COL6A5: variants seen among roughly 807,000 people sequenced by gnomAD.
COL6A5 encodes the protein collagen alpha-5(VI) chain.
COL6A5 carries 48 observed loss-of-function variants against 65.6 expected under a neutral mutation model. The ratio of observed to expected loss-of-function variants is 0.73; its 90% CI spans 0.58 to 0.93. COL6A5 has a LOEUF of 0.93. Ranked by LOEUF, COL6A5 falls within the 40% of genes least tolerant of loss-of-function variation. COL6A5 has a pLI of 0.00. For missense variants in COL6A5, 914 were observed against 928.3 expected, an observed-to-expected ratio of 0.98 and a Z score of 0.20; for synonymous variants, 291 against 322.8, an observed-to-expected ratio of 0.90 and a Z score of 1.05.
At chr3:130,379,290 A>G (rs1935902569) in intron 3 of COL6A5, 128 bp from the exon 4 acceptor site, 4 of 902,020 alleles carry the variant, frequency 4.4e-6, no homozygotes, top group South Asian at 3.8e-5. Flanking sequence ...CACTAAAAGA[A>G]AACGATGCTG....
chr3:130,418,821 C>A, intron 24 of COL6A5, 48 bp from the exon 25 acceptor site: 2 of 1,450,328 alleles, frequency 1.4e-6, no homozygotes, highest in Non-Finnish European at 1.9e-6. Flanking sequence ...GTGGTAGGAA[C>A]CAGGTTTGAT....
intron 4 of COL6A5, among the ~76,000 whole-genome samples, chr3:130,381,382 AT>A (rs1935988455): frequency 1.3e-5 from 2 of 152,088 alleles, no homozygotes; most frequent in African/African-American, 4.8e-5. Flanking sequence ...GATATACCAT[AT>A]TTTTTAAAAC....
intron 5 of COL6A5, among the ~76,000 whole-genome samples, chr3:130,464,220 C>T (rs1709764517): frequency 1.3e-5 from 2 of 152,030 alleles, no homozygotes; most frequent in Non-Finnish European, 2.9e-5. Context: ...CAGCCTGAAA[C>T]TCCTGGGTTC....
chr3:130,368,404 T>C (rs978820186), intron 1 of COL6A5, among the ~76,000 whole-genome samples: 1 of 152,154 alleles, frequency 6.6e-6, no homozygotes, highest in Non-Finnish European at 1.5e-5. Flanking sequence ...ATCCAGCAAA[T>C]ACTTCTTGAG....
chr3:130,373,480 T>C, intron 1 of COL6A5, 131 bp from the exon 2 acceptor site: 1 of 575,768 alleles, frequency 1.7e-6, no homozygotes, highest in Non-Finnish European at 3.1e-6. Flanking sequence ...GCTTGATGAA[T>C]TTTATAAACA....
intron 4 of COL6A5, among the ~76,000 whole-genome samples, chr3:130,452,387 C>T (rs1342303684): frequency 1.3e-5 from 2 of 152,106 alleles, no homozygotes; most frequent in Non-Finnish European, 2.9e-5. Flanking sequence ...CCTAAGCATG[C>T]ACCAGTTTGA....
intron 1 of COL6A5, among the ~76,000 whole-genome samples, chr3:130,358,143 T>C (rs1359434099): frequency 6.6e-6 from 1 of 151,882 alleles, no homozygotes; most frequent in Non-Finnish European, 1.5e-5. Context: ...GAGCCGAGAT[T>C]GCACCACTGC....
chr3:130,346,810 G>T (rs1395540771), intron 1 of COL6A5, among the ~76,000 whole-genome samples: 2 of 152,158 alleles, frequency 1.3e-5, no homozygotes, highest in South Asian at 2.1e-4. Flanking sequence ...AGGGTGTCAG[G>T]TTAGGTATCT....
intron 5 of COL6A5, among the ~76,000 whole-genome samples, chr3:130,465,937 G>C (rs1049625723): frequency 2.6e-5 from 4 of 151,900 alleles, no homozygotes; most frequent in African/African-American, 9.7e-5. Context: ...TGGCAAATTA[G>C]ATTTGGCAAA....
At chr3:130,426,033 C>G (rs1476089184) in intron 29 of COL6A5, among the ~76,000 whole-genome samples, 181 bp from the exon 30 acceptor site, 2 of 152,114 alleles carry the variant, frequency 1.3e-5, no homozygotes, top group Non-Finnish European at 2.9e-5. Context: ...AAAATCTACA[C>G]CCTTGATGTG....
chr3:130,434,831 G>A (rs903904013), intron 1 of COL6A5, among the ~76,000 whole-genome samples: 1 of 151,980 alleles, frequency 6.6e-6, no homozygotes, highest in African/African-American at 2.4e-5. Flanking sequence ...TGTAAATTCT[G>A]GATATTAGAC....
rs191789837 is a variant in COL6A5 at position 130,411,715 on chromosome 3, T to C, written c.4662+1191T>C. Among the ~76,000 whole-genome samples the C allele has an allele frequency of 3.3e-5, 5 of 152,270 alleles. No individual in the cohort carries two copies. The East Asian group carries it at 9.7e-4, about 29-fold the overall frequency. On this transcript the variant is annotated intron_variant and NMD_transcript_variant, in intron 20 of 41. Coordinates refer to the COL6A5 transcript ENST00000312481. ...GGAAATACTTTTAGTTTAAAATAGCTTTATAACTGACACATCAATGAGGTA... is the reference window on the plus strand; with the variant it reads ...GGAAATACTTTTAGTTTAAAATAGCCTTATAACTGACACATCAATGAGGTA...
rs554198164 is a variant in COL6A5, at chr3:130,385,181, G to A, written c.1678G>A (p.Val560Met). The change falls in exon 5 of 42, where the codon GTG (valine) becomes ATG (methionine). Residue 560 changes from valine (V) to methionine (M), a missense_variant and NMD_transcript_variant. Transcript: ENST00000312481. ...TGATGGGATGTCCACAGACAGAGTCGTGGAACCTGCTAAGAGACTAAGGGC... is the reference window on the plus strand; with the variant it reads ...TGATGGGATGTCCACAGACAGAGTCATGGAACCTGCTAAGAGACTAAGGGC... The A allele has an allele frequency of 4.1e-5, 64 of 1,551,024 alleles. No homozygotes were observed. In the African/African-American group the frequency reaches 5.5e-4, roughly 13 times the overall value.
At chr3:130,458,042 C>A (rs1201748111) in intron 5 of COL6A5, among the ~76,000 whole-genome samples, 1 of 151,996 alleles carries the variant, frequency 6.6e-6, no homozygotes. Flanking sequence ...TTTTTAGTAC[C>A]CAGAGTCCTG....
At chr3:130,353,560 A>T (rs1934799087) in intron 1 of COL6A5, among the ~76,000 whole-genome samples, 1 of 152,194 alleles carries the variant, frequency 6.6e-6, no homozygotes, top group Non-Finnish European at 1.5e-5. Context: ...AGCTAGATAT[A>T]TGTAAATCTT....
intron 5 of COL6A5, among the ~76,000 whole-genome samples, chr3:130,386,906 G>A (rs1459382982): frequency 6.6e-6 from 1 of 152,080 alleles, no homozygotes; most frequent in African/African-American, 2.4e-5. Flanking sequence ...AGGAGTCTCA[G>A]AGCAGATGCA....
intron 5 of COL6A5, among the ~76,000 whole-genome samples, chr3:130,468,141 C>T (rs1709860499): frequency 6.6e-6 from 1 of 152,006 alleles, no homozygotes; most frequent in Non-Finnish European, 1.5e-5. Context: ...GTCAGCTGAA[C>T]TAATCAGTGT....
intron 2 of COL6A5, 129 bp from the exon 35 acceptor site, chr3:130,440,037 G>A (rs987001606): frequency 5.2e-6 from 4 of 767,524 alleles, no homozygotes; most frequent in Admixed American, 2.9e-5. Context: ...TTTAAATTAT[G>A]TGAGATCAAA....
exon 11 of COL6A5, chr3:130,401,060 AAC>A: frequency 6.4e-7 from 1 of 1,551,070 alleles, no homozygotes; most frequent in Non-Finnish European, 8.7e-7. Context: ...AGTGTCCCTT[AAC>A]ACAACTGCTC....
Sources: gnomAD v4.1 joint callset for allele counts (sites outside exome capture counted in the v4.1 genomes callset) on GRCh38, gnomAD v4.1.1 for gene constraint, MANE v1.5 for transcripts, NCBI Gene and HGNC (gene_info 2026-07-23, HGNC 2026-07-21) for gene names.